MAGI2: variants seen among roughly 807,000 people sequenced by gnomAD.
MAGI2 encodes membrane-associated guanylate kinase, WW and PDZ domain-containing protein 2.
Under a neutral mutation model 133.3 loss-of-function variants are expected in MAGI2, and 35 were observed. The ratio of observed to expected loss-of-function variants is 0.26; its 90% CI spans 0.20 to 0.35. The LOEUF is 0.35. Ranked by LOEUF, MAGI2 falls within the 10% of genes least tolerant of loss-of-function variation. The pLI, the probability that MAGI2 is intolerant of heterozygous loss-of-function variation, is 1.00. For synonymous variants in MAGI2, 729 were observed against 710.6 expected (o/e 1.03, Z -0.41); for missense variants, 1,636 against 1,863.4 (o/e 0.88, Z 2.25).
At chr7:78,458,294 C>CAAAAAAAAAAAAAAAAAAA (rs11380893) in intron 6 of MAGI2, among the ~76,000 whole-genome samples, 22 of 113,028 alleles carry the variant, frequency 1.9e-4, no homozygotes, top group East Asian at 5.0e-4. Context: ...AACTCGGTCT[C>CAAAAAAAAAAAAAAAAAAA]AAAAAAAAAA....
chr7:78,256,320 G>A lies in MAGI2; in HGVS notation c.1670C>T (p.Ser557Leu). ...YLEYISRTSQSVPDITDRPPH... is the reference protein window; with the variant it reads ...YLEYISRTSQLVPDITDRPPH... The stretch of plus-strand genomic sequence containing the variant: ...CGGCCGATCTGTTATATCTGGAACT[G>A]ACTGTGAGGTCCGAGAAATGTACTC... Residue 557 changes from serine (S) to leucine (L), a missense_variant, in exon 10 of 22, where the codon TCA (serine) becomes TTA (leucine). Coordinates refer to ENST00000354212, the MANE Select transcript of MAGI2 (RefSeq NM_012301.4). 1.2e-6 allele frequency: 2 copies of A among 1,614,110 alleles called. No individual in the cohort carries two copies. Among genetic ancestry groups the A allele is most frequent in the East Asian group, 4.5e-5 (2 of 44,844 alleles).
chr7:78,321,699 C>T (rs1788020589), intron 9 of MAGI2, among the ~76,000 whole-genome samples: 1 of 152,156 alleles, frequency 6.6e-6, no homozygotes, highest in Admixed American at 6.5e-5. Flanking sequence ...CCATTCAGGA[C>T]ATAGGCATGG....
At chr7:79,450,619 C>T (rs1355962612) in intron 1 of MAGI2, among the ~76,000 whole-genome samples, 1 of 152,068 alleles carries the variant, frequency 6.6e-6, no homozygotes, top group East Asian at 1.9e-4. Context: ...GAGACTTTCC[C>T]CTCAATATAT....
intron 1 of MAGI2, among the ~76,000 whole-genome samples, chr7:79,135,999 GAAAGAGAAAGAAAGAA>G (rs1562928742): frequency 1.0e-3 from 29 of 28,942 alleles, no homozygotes; most frequent in African/African-American, 1.9e-3. Flanking sequence ...AAGAAAGAAA[GAAAGAGAAAGAAAGAA>G]AGAAAGAAAG....
chr7:78,520,511 C>G (rs1321322333), intron 4 of MAGI2, among the ~76,000 whole-genome samples: 1 of 151,916 alleles, frequency 6.6e-6, no homozygotes, highest in Non-Finnish European at 1.5e-5. Flanking sequence ...CACACACTAA[C>G]AGTTTTTAAG....
intron 2 of MAGI2, among the ~76,000 whole-genome samples, chr7:78,638,809 A>T (rs187964156): frequency 9.8e-5 from 15 of 152,326 alleles, no homozygotes; most frequent in African/African-American, 3.4e-4. Context: ...ATTTTAATTC[A>T]ATATTTAATT....
chr7:79,353,817 G>T (rs985752271), intron 1 of MAGI2: 9 of 222,792 alleles, frequency 4.0e-5, no homozygotes, highest in Non-Finnish European at 9.3e-6. Flanking sequence ...GTGCTGGCAG[G>T]GGGTGGTGGT....
chr7:78,056,497 A>T (rs1416063439), intron 21 of MAGI2, among the ~76,000 whole-genome samples: 1 of 152,222 alleles, frequency 6.6e-6, no homozygotes, highest in East Asian at 1.9e-4. Flanking sequence ...CATAAAAGGA[A>T]CAAGATCATG....
chr7:79,233,013 CA>C lies in MAGI2; in HGVS notation c.301+220006del, dbSNP rs1328383567. On this transcript the variant is annotated intron_variant, in intron 1 of 21. Coordinates refer to ENST00000354212, the MANE Select transcript of MAGI2 (RefSeq NM_012301.4). Reference sequence around the variant, plus strand: ...GTTGTGTCTTTGTTCTCGTTGGTTTCAAAGAACATCTTTATTTCTGCCTTCA... The same window carrying C: ...GTTGTGTCTTTGTTCTCGTTGGTTTCAAGAACATCTTTATTTCTGCCTTCA... 1.3e-3 allele frequency among the ~76,000 whole-genome samples: 135 copies of C among 107,212 alleles called. 1 individual carries two copies. Among genetic ancestry groups the C allele is most frequent in the African/African-American group, 5.0e-3 (131 of 26,358 alleles). The allele number at this position is 107,212 out of a possible 152,430, so 70.3% of individuals were successfully genotyped here.
Position 79,077,574 on chromosome 7 carries a change from C to CAAAAAAAAAAAA in MAGI2, c.302-70380_302-70369dup, listed in dbSNP as rs769770373. 5.5e-4 allele frequency among the ~76,000 whole-genome samples: 13 copies of CAAAAAAAAAAAA among 23,772 alleles called. 1 individual carries two copies. Among genetic ancestry groups the CAAAAAAAAAAAA allele is most frequent in the African/African-American group, 1.5e-3 (10 of 6,590 alleles). The allele number at this position is 23,772 out of a possible 152,430, so 15.6% of individuals were successfully genotyped here. On this transcript the variant is annotated intron_variant, in intron 1 of 21. Coordinates refer to ENST00000354212, the MANE Select transcript of MAGI2 (RefSeq NM_012301.4). ...TGGGCAACAGAGCGAGACTGCCTCT[C>CAAAAAAAAAAAA]AAAAAAAAAAAAAAAAAAAAATAAA...
chr7:78,145,847 A>G (rs1372735161), intron 16 of MAGI2, among the ~76,000 whole-genome samples: 1 of 152,068 alleles, frequency 6.6e-6, no homozygotes, highest in African/African-American at 2.4e-5. Flanking sequence ...TCTTCTTATG[A>G]GGGCACCAAT....
intron 1 of MAGI2, among the ~76,000 whole-genome samples, chr7:79,310,622 T>C (rs1161157839): frequency 6.6e-6 from 1 of 152,140 alleles, no homozygotes; most frequent in Non-Finnish European, 1.5e-5. Context: ...AGGAAGTCAT[T>C]AGCAATAAAG....
chr7:78,191,405 G>T (rs1200178167), intron 12 of MAGI2, among the ~76,000 whole-genome samples: 1 of 152,112 alleles, frequency 6.6e-6, no homozygotes, highest in East Asian at 1.9e-4. Flanking sequence ...GATATTATTT[G>T]CTGTGTTGTG....
At chr7:78,399,214 C>T (rs1796626052) in intron 6 of MAGI2, among the ~76,000 whole-genome samples, 1 of 152,164 alleles carries the variant, frequency 6.6e-6, no homozygotes, top group South Asian at 2.1e-4. Flanking sequence ...CGCTTACATT[C>T]TACCCTGAAC....
chr7:78,701,610 A>G (rs1818082391), intron 2 of MAGI2, among the ~76,000 whole-genome samples: 1 of 151,890 alleles, frequency 6.6e-6, no homozygotes, highest in Non-Finnish European at 1.5e-5. Flanking sequence ...GTTAATAGGA[A>G]TCAAAACAAG....
intron 9 of MAGI2, among the ~76,000 whole-genome samples, chr7:78,335,721 T>C (rs954140102): frequency 3.9e-5 from 6 of 152,102 alleles, no homozygotes; most frequent in Non-Finnish European, 5.9e-5. Context: ...GTACCTAACA[T>C]GATGACACTT....
At chr7:78,424,677 A>G (rs1446038847) in intron 6 of MAGI2, among the ~76,000 whole-genome samples, 2 of 152,208 alleles carry the variant, frequency 1.3e-5, no homozygotes, top group East Asian at 3.9e-4. Context: ...CACCTCTTGT[A>G]TCAGCATGAC....
chr7:78,662,899 C>G (rs765835751), intron 2 of MAGI2, among the ~76,000 whole-genome samples: 25 of 152,146 alleles, frequency 1.6e-4, no homozygotes, highest in Admixed American at 6.5e-5. Flanking sequence ...CTACTACGTA[C>G]CAGTCATGCC....
At chr7:79,050,565 A>G (rs1026855186) in intron 1 of MAGI2, among the ~76,000 whole-genome samples, 4 of 152,024 alleles carry the variant, frequency 2.6e-5, no homozygotes, top group Non-Finnish European at 5.9e-5. Context: ...TTGTTTTTGT[A>G]GAGACTGGGT....
Sources: allele counts gnomAD v4.1 joint callset (sites outside exome capture counted in the v4.1 genomes callset), GRCh38; gene constraint gnomAD v4.1.1; transcripts MANE v1.5; gene names NCBI Gene and HGNC (gene_info 2026-07-23, HGNC 2026-07-21).